The following MBTD1 variants were observed in gnomAD, a reference collection of about 807,000 sequenced individuals.
MBTD1 encodes MBT domain-containing protein 1.
In MBTD1, 24 loss-of-function variants were observed where a neutral mutation model predicts 87.8. The ratio of observed to expected loss-of-function variants is 0.27; its 90% CI spans 0.20 to 0.38. The LOEUF (loss-of-function observed/expected upper bound fraction) is 0.38, where lower values mean the gene tolerates loss of function less well. Among genes scored for constraint, MBTD1 ranks in the 10% least tolerant of loss-of-function variants. The pLI is 1.00. For missense variants in MBTD1, 436 were observed against 760.2 expected, an observed-to-expected ratio of 0.57 and a Z score of 5.02; for synonymous variants, 237 against 248.6, an observed-to-expected ratio of 0.95 and a Z score of 0.44.
chr17:51,230,031 A>C (rs2053464009), intron 2 of MBTD1, among the ~76,000 whole-genome samples: 1 of 152,184 alleles, frequency 6.6e-6, no homozygotes. Context: ...ACACTTCAGA[A>C]TTATTCCTCC....
chr17:51,181,825 G>A (rs1412451346), intron 16 of MBTD1, among the ~76,000 whole-genome samples: 1 of 152,260 alleles, frequency 6.6e-6, no homozygotes, highest in East Asian at 1.9e-4. Context: ...CAAATTAACA[G>A]TATAGCCATG....
chr17:51,206,823 C>G, intron 7 of MBTD1, 65 bp downstream of exon 7: 1 of 1,137,878 alleles, frequency 8.8e-7, no homozygotes, highest in South Asian at 1.3e-5. Context: ...TATAAACATG[C>G]TTTTTTTACG....
rs60957699 is a variant in MBTD1, at chr17:51,179,484, T to TATATATATATATATATATATATTTA, written c.*1091_*1092insTAAATATATATATATATATATATAT. On this transcript the variant is annotated 3_prime_UTR_variant, in exon 17 of 17. Coordinates refer to ENST00000586178, the MANE Select transcript of MBTD1 (RefSeq NM_017643.3). The stretch of plus-strand genomic sequence containing the variant: ...ATCCTGAATACAATTAAAGACAATT[T>TATATATATATATATATATATATTTA]TATATATATATATATATATATATAT... The TATATATATATATATATATATATTTA allele has an allele frequency of 5.7e-5, 2 of 35,304 alleles. No homozygotes were observed. The highest frequency in any genetic ancestry group is 1.2e-4 in the Non-Finnish European group (2 of 17,020). 2.2% of individuals were successfully genotyped at this position (35,304 alleles called of 1,614,324 possible).
intron 13 of MBTD1, 78 bp from the exon 14 acceptor site, chr17:51,193,588 A>G (rs979079506): frequency 4.6e-5 from 37 of 812,982 alleles, no homozygotes; most frequent in Non-Finnish European, 6.9e-5. Context: ...AAGTAACAGT[A>G]CAAAAAATCT....
chr17:51,216,856 A>G (rs2052599587), intron 6 of MBTD1, among the ~76,000 whole-genome samples: 1 of 152,116 alleles, frequency 6.6e-6, no homozygotes, highest in Non-Finnish European at 1.5e-5. Context: ...GTTGCTAGGA[A>G]TACAGTTGAG....
intron 2 of MBTD1, among the ~76,000 whole-genome samples, chr17:51,234,400 CAAAAAA>C (rs71149356): frequency 1.3e-4 from 9 of 68,672 alleles, no homozygotes; most frequent in Admixed American, 1.0e-3. Flanking sequence ...TCCCCGTCTC[CAAAAAA>C]AAAAAAAAAA....
chr17:51,201,069 C>T (rs1283482737), intron 12 of MBTD1, among the ~76,000 whole-genome samples: 1 of 151,994 alleles, frequency 6.6e-6, no homozygotes, highest in Non-Finnish European at 1.5e-5. Context: ...GGGAGGGTCA[C>T]TTGAGCCTGT....
chr17:51,233,124 C>T (rs907198224), intron 2 of MBTD1, among the ~76,000 whole-genome samples: 3 of 111,900 alleles, frequency 2.7e-5, no homozygotes, highest in Non-Finnish European at 5.5e-5. Context: ...ACAGATAAAA[C>T]TATAATGTAA....
chr17:51,218,077 C>T (rs990380857), intron 5 of MBTD1, among the ~76,000 whole-genome samples: 2 of 152,112 alleles, frequency 1.3e-5, no homozygotes, highest in African/African-American at 4.8e-5. Context: ...GAGATACCTA[C>T]CCCATATCAC....
intron 5 of MBTD1, 120 bp from the exon 6 acceptor site, chr17:51,217,536 T>A (rs1255471725): frequency 1.8e-6 from 1 of 547,128 alleles, no homozygotes; most frequent in Admixed American, 3.9e-5. Flanking sequence ...AAGAACGTTT[T>A]CTTTATGTAA....
At chr17:51,222,650 A>C (rs1280686699) in intron 3 of MBTD1, among the ~76,000 whole-genome samples, 1 of 151,866 alleles carries the variant, frequency 6.6e-6, no homozygotes, top group African/African-American at 2.4e-5. Flanking sequence ...TGCCCGCCTC[A>C]GCCTCCCAAA....
intron 10 of MBTD1, among the ~76,000 whole-genome samples, chr17:51,202,422 T>C (rs993844293): frequency 2.0e-5 from 3 of 152,218 alleles, no homozygotes; most frequent in African/African-American, 7.2e-5. Context: ...AAGGGAAAGG[T>C]ATCTTTAGAT....
At chr17:51,223,025 C>T (rs955094753) in intron 3 of MBTD1, among the ~76,000 whole-genome samples, 2 of 151,446 alleles carry the variant, frequency 1.3e-5, no homozygotes, top group African/African-American at 2.4e-5. Flanking sequence ...AGGATGGTCT[C>T]GATTTCTTGA....
chr17:51,201,882 T>C (rs1206153502), intron 11 of MBTD1, 140 bp downstream of exon 11: 1 of 704,510 alleles, frequency 1.4e-6, no homozygotes, highest in Admixed American at 2.8e-5. Context: ...TAATAAAGAG[T>C]TGTGACACCT....
At chr17:51,208,694 G>A (rs2051998088) in intron 6 of MBTD1, among the ~76,000 whole-genome samples, 1 of 152,170 alleles carries the variant, frequency 6.6e-6, no homozygotes, top group Non-Finnish European at 1.5e-5. Flanking sequence ...GAAGAAAGAG[G>A]CGTGCTTATG....
At chr17:51,199,337 A>G (rs567042276) in intron 12 of MBTD1, among the ~76,000 whole-genome samples, 24 of 150,176 alleles carry the variant, frequency 1.6e-4, no homozygotes, top group Admixed American at 1.1e-3. Context: ...CTGCCCTTCT[A>G]AAGTGCTGGA....
intron 2 of MBTD1, among the ~76,000 whole-genome samples, chr17:51,234,068 A>C (rs1479161177): frequency 6.6e-6 from 1 of 152,160 alleles, no homozygotes; most frequent in Non-Finnish European, 1.5e-5. Flanking sequence ...AAAAAAAAGA[A>C]GACAAAATAT....
At chr17:51,212,174 A>G (rs1351867019) in intron 6 of MBTD1, among the ~76,000 whole-genome samples, 1 of 152,144 alleles carries the variant, frequency 6.6e-6, no homozygotes, top group Non-Finnish European at 1.5e-5. Context: ...CCTGACCAAC[A>G]TGGTGAAACC....
Position 51,202,797 on chromosome 17 carries a change from C to A in MBTD1, c.967G>T (p.Glu323Ter). Residue 323 changes from glutamate to a stop codon, truncating the protein, a stop_gained, in exon 10 of 17, where the codon GAA becomes TAA. Transcript: ENST00000586178. LOFTEE classifies it high-confidence loss of function. Reference sequence around the variant, plus strand: ...CACCAGAAGTCATCTGTTCTATCTTCGCTTTCTTCATACACTAGTCTTAAT... The same window carrying A: ...CACCAGAAGTCATCTGTTCTATCTTAGCTTTCTTCATACACTAGTCTTAAT... ...GRLRLVYEES[E>*]DRTDDFWCHM... 1 of 1,614,106 alleles carries A rather than the reference C, an allele frequency of 6.2e-7. No homozygotes were observed. The highest frequency in any genetic ancestry group is 8.5e-7 in the Non-Finnish European group (1 of 1,179,982).
Sources: allele counts gnomAD v4.1 joint callset (sites outside exome capture counted in the v4.1 genomes callset), GRCh38; gene constraint gnomAD v4.1.1; transcripts MANE v1.5; gene names NCBI Gene and HGNC (gene_info 2026-07-23, HGNC 2026-07-21).